Variants in SLC10A7 observed in about 807,000 individuals in gnomAD.
SLC10A7 encodes the protein solute carrier family 10 member 7, also known as sodium/bile acid cotransporter 7.
A neutral mutation model predicts 43.2 loss-of-function variants in SLC10A7; 29 were observed. That is an observed-to-expected ratio of 0.67 (90% CI 0.50 to 0.92). SLC10A7 has a LOEUF of 0.92. SLC10A7 is among the 40% of genes least tolerant of loss of function. SLC10A7 has a pLI of 0.00. For synonymous variants in SLC10A7, 152 were observed against 144.8 expected, an observed-to-expected ratio of 1.05 and a Z score of -0.35; for missense variants, 295 against 403.2, an observed-to-expected ratio of 0.73 and a Z score of 2.30.
chr4:146,462,165 CCTGT>C (rs1732597923), intron 4 of SLC10A7, among the ~76,000 whole-genome samples: 1 of 151,762 alleles, frequency 6.6e-6, no homozygotes, highest in Admixed American at 6.6e-5. Flanking sequence ...TGAGCTTTCT[CCTGT>C]ATCACTTACC....
At chr4:146,487,479 G>A (rs932881178) in intron 4 of SLC10A7, among the ~76,000 whole-genome samples, 5 of 152,180 alleles carry the variant, frequency 3.3e-5, no homozygotes, top group African/African-American at 1.2e-4. Flanking sequence ...TACACTGACA[G>A]TCATCCCTCA....
At chr4:146,260,060 T>A (rs1335449426) in intron 10 of SLC10A7, among the ~76,000 whole-genome samples, 2 of 152,244 alleles carry the variant, frequency 1.3e-5, no homozygotes, top group African/African-American at 4.8e-5. Context: ...TACTTTCTTT[T>A]TCACAGCCTC....
intron 1 of SLC10A7, among the ~76,000 whole-genome samples, chr4:146,520,214 G>A (rs1738492837): frequency 6.6e-6 from 1 of 152,200 alleles, no homozygotes; most frequent in Non-Finnish European, 1.5e-5. Context: ...AGTGAAGTGT[G>A]CATTGCAGAT....
intron 5 of SLC10A7, among the ~76,000 whole-genome samples, chr4:146,346,640 T>C (rs935700045): frequency 6.6e-6 from 1 of 152,180 alleles, no homozygotes; most frequent in Non-Finnish European, 1.5e-5. Flanking sequence ...TCTATTAAGT[T>C]GGTCATTTGA....
chr4:146,484,685 C>G (rs1734768774), intron 4 of SLC10A7, among the ~76,000 whole-genome samples: 2 of 151,810 alleles, frequency 1.3e-5, no homozygotes, highest in South Asian at 4.2e-4. Context: ...GGGATTTATG[C>G]TATTGTAGGT....
intron 6 of SLC10A7, among the ~76,000 whole-genome samples, chr4:146,314,236 A>G (rs1732173492): frequency 6.6e-6 from 1 of 152,168 alleles, no homozygotes; most frequent in African/African-American, 2.4e-5. Context: ...TAGCTACTCA[A>G]TAAAAATTAT....
chr4:146,319,176 G>C (rs1341849039), intron 6 of SLC10A7, among the ~76,000 whole-genome samples: 1 of 152,028 alleles, frequency 6.6e-6, no homozygotes, highest in Non-Finnish European at 1.5e-5. Context: ...TAAATCATTT[G>C]TCCCCTGCTC....
At chr4:146,284,083 T>A (rs2111122061) in intron 9 of SLC10A7, among the ~76,000 whole-genome samples, 1 of 152,286 alleles carries the variant, frequency 6.6e-6, no homozygotes, top group African/African-American at 2.4e-5. Context: ...TAATAAGGGT[T>A]TAGAAAGCCA....
At chr4:146,411,552 C>T (rs1483999605) in intron 5 of SLC10A7, among the ~76,000 whole-genome samples, 1 of 151,996 alleles carries the variant, frequency 6.6e-6, no homozygotes, top group East Asian at 1.9e-4. Flanking sequence ...CTAATGTTTA[C>T]AATTAGTATT....
intron 5 of SLC10A7, among the ~76,000 whole-genome samples, chr4:146,374,601 CATATAT>C (rs1337058848): frequency 3.8e-5 from 5 of 132,958 alleles, no homozygotes; most frequent in African/African-American, 5.8e-5. Context: ...AAAATATATA[CATATAT>C]ATATATACAC....
chr4:146,292,883 A>T (rs1336852324), intron 9 of SLC10A7, 46 bp downstream of exon 9: 2 of 1,372,910 alleles, frequency 1.5e-6, no homozygotes, highest in Non-Finnish European at 2.0e-6. Context: ...AGACCGCATG[A>T]TTCCTAATTT....
Position 146,503,856 on chromosome 4 carries a change from C to T in SLC10A7, c.389G>A (p.Gly130Glu). 1 of 1,614,018 alleles carries T rather than the reference C, an allele frequency of 6.2e-7. No homozygotes were observed. The highest frequency in any genetic ancestry group is 8.5e-7 in the Non-Finnish European group (1 of 1,179,896). The change falls in exon 4 of 12, where the codon GGA becomes GAA. Residue 130 changes from glycine to glutamate, a missense_variant. Physicochemically the swap from Gly to Glu is moderately conservative, Grantham distance 98. Around this residue, in one of 2 missense-constraint regions of SLC10A7, gnomAD observed 242 missense variants for 362.5 expected, o/e 0.67. Coordinates refer to ENST00000335472, the MANE Select transcript of SLC10A7 (RefSeq NM_001029998.6). ...GGTAGCCCCATGACTCACCTCATTTCCACCAACTGCCTTGGTTAAAATCAC... is the reference window on the plus strand; with the variant it reads ...GGTAGCCCCATGACTCACCTCATTTTCACCAACTGCCTTGGTTAAAATCAC... Reference protein sequence around the residue: ...SAVILTKAVGGNEAAAIFNSA... With the variant: ...SAVILTKAVGENEAAAIFNSA...
chr4:146,466,688 G>A (rs1733067615), intron 4 of SLC10A7, among the ~76,000 whole-genome samples: 1 of 152,174 alleles, frequency 6.6e-6, no homozygotes, highest in East Asian at 1.9e-4. Flanking sequence ...GCCAGACAAT[G>A]TGTTATTTTA....
intron 4 of SLC10A7, among the ~76,000 whole-genome samples, chr4:146,483,348 G>A (rs1456726817): frequency 6.6e-6 from 1 of 152,052 alleles, no homozygotes; most frequent in Non-Finnish European, 1.5e-5. Context: ...ATGGGGTAAG[G>A]TAAATGGCTA....
At chr4:146,405,631 C>A (rs1727613937) in intron 5 of SLC10A7, among the ~76,000 whole-genome samples, 1 of 151,956 alleles carries the variant, frequency 6.6e-6, no homozygotes, top group South Asian at 2.1e-4. Flanking sequence ...TTGAGAAAAA[C>A]TCATTCTTTT....
chr4:146,301,273 G>C (rs797011526), intron 7 of SLC10A7, among the ~76,000 whole-genome samples: 5 of 152,284 alleles, frequency 3.3e-5, no homozygotes, highest in African/African-American at 1.2e-4. Context: ...ACAATGAGTA[G>C]GAGTTTGCTG....
At chr4:146,409,553 T>C (rs1008802996) in intron 5 of SLC10A7, among the ~76,000 whole-genome samples, 9 of 152,162 alleles carry the variant, frequency 5.9e-5, no homozygotes, top group Admixed American at 1.3e-4. Flanking sequence ...GTGGTCATTA[T>C]ATATTAAACA....
At chr4:146,278,658 G>A (rs190632884) in intron 10 of SLC10A7, among the ~76,000 whole-genome samples, 15 of 151,988 alleles carry the variant, frequency 9.9e-5, no homozygotes, top group African/African-American at 1.9e-4. Context: ...TTTCCTTTGC[G>A]CACATAATAG....
At chr4:146,262,001 T>G (rs191571236) in intron 10 of SLC10A7, among the ~76,000 whole-genome samples, 1 of 152,360 alleles carries the variant, frequency 6.6e-6, no homozygotes, top group African/African-American at 2.4e-5. Context: ...AAATGGATTC[T>G]TTTTCTGACT....
Sources: gnomAD v4.1 joint callset for allele counts (sites outside exome capture counted in the v4.1 genomes callset) on GRCh38, gnomAD v4.1.1 for gene constraint, gnomAD v4.1.1 regional missense constraint, MANE v1.5 for transcripts, NCBI Gene and HGNC (gene_info 2026-07-23, HGNC 2026-07-21) for gene names.